The following RBMS1 variants were observed in gnomAD, a reference collection of about 807,000 sequenced individuals.
RBMS1 encodes RNA-binding motif, single-stranded-interacting protein 1.
In RBMS1, 17 loss-of-function variants were observed where a neutral mutation model predicts 62.3. That is an observed-to-expected ratio of 0.27 (90% CI 0.19 to 0.41). The LOEUF (loss-of-function observed/expected upper bound fraction) is 0.41, where lower values mean the gene tolerates loss of function less well. Ranked by LOEUF, RBMS1 falls within the 10% of genes least tolerant of loss-of-function variation. RBMS1 has a pLI of 1.00. For synonymous variants in RBMS1, 172 were observed against 170.0 expected, an observed-to-expected ratio of 1.01 and a Z score of -0.09; for missense variants, 334 against 504.5, an observed-to-expected ratio of 0.66 and a Z score of 3.24.
intron 1 of RBMS1, among the ~76,000 whole-genome samples, chr2:160,424,494 C>CTCTCAAATGCATT: frequency 6.6e-6 from 1 of 152,140 alleles, no homozygotes; most frequent in South Asian, 2.1e-4. Context: ...AGTGAAAATA[C>CTCTCAAATGCATT]TCTCAAATGC....
chr2:160,392,557 A>AT (rs982380686), intron 1 of RBMS1, among the ~76,000 whole-genome samples: 18 of 152,266 alleles, frequency 1.2e-4, no homozygotes, highest in African/African-American at 4.3e-4. Context: ...TCGATTGTCA[A>AT]TAATCCCAAT....
At chr2:160,282,312 A>T in intron 9 of RBMS1, 2 of 1,367,888 alleles carry the variant, frequency 1.5e-6, no homozygotes, top group Non-Finnish European at 2.0e-6. Flanking sequence ...CACCTAAGGC[A>T]GACCAAAGTT....
chr2:160,304,891 C>G (rs1284605930), intron 4 of RBMS1, among the ~76,000 whole-genome samples: 1 of 152,150 alleles, frequency 6.6e-6, no homozygotes, highest in Non-Finnish European at 1.5e-5. Context: ...GAGTCTTGCT[C>G]TGTGCCAGGA....
chr2:160,308,147 A>G (rs1052183004), intron 4 of RBMS1, among the ~76,000 whole-genome samples: 1 of 152,164 alleles, frequency 6.6e-6, no homozygotes, highest in African/African-American at 2.4e-5. Context: ...GTGGTGGCTC[A>G]TGCTTACAAT....
intron 1 of RBMS1, among the ~76,000 whole-genome samples, chr2:160,488,318 G>A (rs1186722738): frequency 1.3e-5 from 2 of 152,192 alleles, no homozygotes; most frequent in Non-Finnish European, 2.9e-5. Context: ...GCTCATGCCT[G>A]TAATCCCAGC....
intron 9 of RBMS1, 54 bp downstream of exon 9, chr2:160,284,721 G>C (rs1220337729): frequency 7.7e-7 from 1 of 1,297,856 alleles, no homozygotes; most frequent in South Asian, 1.2e-5. Context: ...AAATGTAGCA[G>C]AGATTCATGG....
At chr2:160,374,441 T>C (rs903472191) in intron 1 of RBMS1, among the ~76,000 whole-genome samples, 7 of 151,542 alleles carry the variant, frequency 4.6e-5, no homozygotes, top group African/African-American at 1.7e-4. Context: ...GGGGTAGGAG[T>C]GTGGTGGTAC....
chr2:160,353,339 C>T (rs1692622057), intron 2 of RBMS1, among the ~76,000 whole-genome samples: 1 of 152,040 alleles, frequency 6.6e-6, no homozygotes, highest in African/African-American at 2.4e-5. Context: ...TGGGTGGGGC[C>T]TGTCACCTCC....
intron 2 of RBMS1, among the ~76,000 whole-genome samples, chr2:160,324,876 GTGTGTGTATATATA>G (rs1297611340): frequency 2.4e-5 from 1 of 42,484 alleles, no homozygotes; most frequent in Non-Finnish European, 5.9e-5. Context: ...ATGTGTGTGT[GTGTGTGTATATATA>G]TATATATATA....
At chr2:160,442,390 T>C (rs910699476) in intron 1 of RBMS1, among the ~76,000 whole-genome samples, 1 of 152,198 alleles carries the variant, frequency 6.6e-6, no homozygotes, top group African/African-American at 2.4e-5. Flanking sequence ...CATTTGCCCA[T>C]AGTTTGGGAA....
chr2:160,359,692 T>A (rs569605518), intron 2 of RBMS1, among the ~76,000 whole-genome samples: 1 of 152,352 alleles, frequency 6.6e-6, no homozygotes, highest in South Asian at 2.1e-4. Context: ...TAAAAGCTGA[T>A]TAAGCATCAA....
intron 1 of RBMS1, among the ~76,000 whole-genome samples, chr2:160,421,311 C>T (rs1292776622): frequency 1.7e-4 from 26 of 151,608 alleles, no homozygotes; most frequent in African/African-American, 6.0e-4. Flanking sequence ...CCCCACCCCA[C>T]GACAGGCCCC....
intron 1 of RBMS1, among the ~76,000 whole-genome samples, chr2:160,383,677 A>G (rs1157747289): frequency 6.6e-6 from 1 of 152,130 alleles, no homozygotes; most frequent in African/African-American, 2.4e-5. Context: ...AGCTATTTGA[A>G]ACTATACATT....
chr2:160,490,954 G>T (rs1184326036), intron 1 of RBMS1, among the ~76,000 whole-genome samples: 1 of 152,098 alleles, frequency 6.6e-6, no homozygotes, highest in African/African-American at 2.4e-5. Context: ...ACACACAGAG[G>T]CAAGAATCAT....
chr2:160,425,167 C>A (rs905984729), intron 1 of RBMS1, among the ~76,000 whole-genome samples: 1 of 152,278 alleles, frequency 6.6e-6, no homozygotes, highest in East Asian at 1.9e-4. Flanking sequence ...AAAAGCACTA[C>A]TATTTTTTAT....
intron 9 of RBMS1, chr2:160,282,564 G>A (rs1455833826): frequency 3.7e-6 from 1 of 271,814 alleles, no homozygotes; most frequent in Admixed American, 4.4e-5. Context: ...ATGCTTCAGT[G>A]GTCTTAATAA....
chr2:160,420,422 T>C (rs1696377294), intron 1 of RBMS1, among the ~76,000 whole-genome samples: 1 of 152,204 alleles, frequency 6.6e-6, no homozygotes, highest in South Asian at 2.1e-4. Context: ...CTCATCTATT[T>C]TCCAAGACCT....
intron 1 of RBMS1, among the ~76,000 whole-genome samples, chr2:160,424,900 A>G (rs1339761227): frequency 1.3e-5 from 2 of 152,116 alleles, no homozygotes; most frequent in African/African-American, 4.8e-5. Flanking sequence ...TGGGGGATTT[A>G]AAAATCCTTA....
At chr2:160,419,756 A>T (rs1029447615) in intron 1 of RBMS1, among the ~76,000 whole-genome samples, 5 of 152,212 alleles carry the variant, frequency 3.3e-5, no homozygotes, top group Non-Finnish European at 5.9e-5. Flanking sequence ...CTTTTAAATA[A>T]CTACTTTATC....
Sources: gnomAD v4.1 joint callset for allele counts (sites outside exome capture counted in the v4.1 genomes callset) on GRCh38, gnomAD v4.1.1 for gene constraint, MANE v1.5 for transcripts, NCBI Gene and HGNC (gene_info 2026-07-23, HGNC 2026-07-21) for gene names.